The following GPR137C variants were observed in gnomAD, a reference collection of about 807,000 sequenced individuals.
GPR137C encodes integral membrane protein GPR137C.
GPR137C carries 27 observed loss-of-function variants against 43.4 expected under a neutral mutation model. The observed-to-expected ratio is 0.62, with a 90% CI of 0.46 to 0.86. GPR137C has a LOEUF of 0.86. Among genes scored for constraint, GPR137C ranks in the 40% least tolerant of loss-of-function variants. The pLI, the probability that GPR137C is intolerant of heterozygous loss-of-function variation, is 0.00. For synonymous variants in GPR137C, 285 were observed against 226.9 expected, an observed-to-expected ratio of 1.26 and a Z score of -2.30; for missense variants, 522 against 534.6, an observed-to-expected ratio of 0.98 and a Z score of 0.23.
intron 3 of GPR137C, among the ~76,000 whole-genome samples, chr14:52,614,254 G>C (rs1230953830): frequency 3.3e-5 from 5 of 151,270 alleles, no homozygotes; most frequent in South Asian, 2.1e-4. Flanking sequence ...CCTATTAGCT[G>C]GTACCGTAGG....
In GPR137C at chr14:52,632,199, G is replaced by T; in HGVS notation, c.757G>T (p.Val253Phe). Residue 253 changes from valine (V) to phenylalanine (F), a missense_variant, in exon 4 of 7, where the codon GTC (valine) becomes TTC (phenylalanine). Val to Phe is a conservative substitution (Grantham distance 50, BLOSUM62 -1). Around this residue, in one of 3 missense-constraint regions of GPR137C, gnomAD observed 437 missense variants for 425.7 expected, o/e 1.03. Coordinates refer to ENST00000321662, the MANE Select transcript of GPR137C (RefSeq NM_001099652.2). ...CCAGACTGTCGTCGTGGGCTCTGTA[G>T]TCATTCTTCTGTACTCTTCCAGAGC... is the stretch of plus-strand genomic sequence containing the variant. ...LCQTVVVGSV[V>F]ILLYSSRACY... 1 of 1,606,956 alleles carries T rather than the reference G, an allele frequency of 6.2e-7. No individual in the cohort carries two copies.
At chr14:52,574,484 G>A (rs945422183) in intron 1 of GPR137C, among the ~76,000 whole-genome samples, 36 of 152,116 alleles carry the variant, frequency 2.4e-4, no homozygotes, top group African/African-American at 7.7e-4. Flanking sequence ...ACCAAACACT[G>A]CACATTCTCA....
intron 1 of GPR137C, among the ~76,000 whole-genome samples, chr14:52,568,635 A>G (rs933846511): frequency 7.2e-5 from 11 of 152,212 alleles, no homozygotes; most frequent in Admixed American, 5.9e-4. Flanking sequence ...ATTACTGTGT[A>G]GAGTAGGCGA....
chr14:52,579,622 G>A (rs1460797161), intron 1 of GPR137C, among the ~76,000 whole-genome samples: 1 of 152,180 alleles, frequency 6.6e-6, no homozygotes, highest in Admixed American at 6.5e-5. Context: ...TAAACTCATG[G>A]TTACAGTTTA....
intron 1 of GPR137C, among the ~76,000 whole-genome samples, chr14:52,563,103 C>A (rs1566601906): frequency 6.6e-6 from 1 of 152,144 alleles, no homozygotes; most frequent in Non-Finnish European, 1.5e-5. Flanking sequence ...AGTCCTCATT[C>A]AAATTAACTT....
intron 1 of GPR137C, among the ~76,000 whole-genome samples, chr14:52,565,460 G>A (rs143959957): frequency 6.6e-6 from 1 of 152,142 alleles, no homozygotes; most frequent in Non-Finnish European, 1.5e-5. Context: ...CAAATGTGTA[G>A]AAAGTACCAT....
chr14:52,598,051 A>C (rs988367389), intron 1 of GPR137C, among the ~76,000 whole-genome samples: 1 of 152,216 alleles, frequency 6.6e-6, no homozygotes, highest in Admixed American at 6.5e-5. Context: ...CTTTAAAGAT[A>C]GAAATGTAGG....
intron 1 of GPR137C, among the ~76,000 whole-genome samples, chr14:52,571,625 G>A (rs576109695): frequency 2.4e-4 from 36 of 152,100 alleles, no homozygotes; most frequent in South Asian, 6.2e-4. Context: ...AGTGAGCCAA[G>A]ATTGCGCCAT....
At chr14:52,572,762 T>C (rs1029816170) in intron 1 of GPR137C, among the ~76,000 whole-genome samples, 1 of 152,018 alleles carries the variant, frequency 6.6e-6, no homozygotes, top group African/African-American at 2.4e-5. Context: ...TCAGCCAAGA[T>C]AGAAAAATAA....
chr14:52,609,748 G>A (rs111272800), intron 3 of GPR137C, among the ~76,000 whole-genome samples: 23 of 152,326 alleles, frequency 1.5e-4, no homozygotes, highest in African/African-American at 5.5e-4. Context: ...GGGTGGGAAT[G>A]CTGGCCAGGG....
At chr14:52,576,310 G>A (rs1036645803) in intron 1 of GPR137C, among the ~76,000 whole-genome samples, 3 of 152,106 alleles carry the variant, frequency 2.0e-5, no homozygotes, top group Admixed American at 2.0e-4. Flanking sequence ...TTTCATACTC[G>A]TTATAGCTGA....
At chr14:52,610,602 C>A (rs937415843) in intron 3 of GPR137C, among the ~76,000 whole-genome samples, 1 of 152,078 alleles carries the variant, frequency 6.6e-6, no homozygotes, top group African/African-American at 2.4e-5. Context: ...TAGTACATAT[C>A]GGGTTTGGTA....
At chr14:52,628,799 T>TA (rs970269383) in intron 3 of GPR137C, among the ~76,000 whole-genome samples, 12 of 151,814 alleles carry the variant, frequency 7.9e-5, no homozygotes, top group Non-Finnish European at 1.6e-4. Flanking sequence ...GTCTCAAAAA[T>TA]AAAAAAGAAG....
At chr14:52,604,425 T>C (rs2038960961) in intron 3 of GPR137C, among the ~76,000 whole-genome samples, 1 of 151,676 alleles carries the variant, frequency 6.6e-6, no homozygotes, top group South Asian at 2.1e-4. Context: ...TCCATTTTTG[T>C]AGATGGTGAG....
At chr14:52,594,210 C>A (rs2038821062) in intron 1 of GPR137C, among the ~76,000 whole-genome samples, 2 of 152,222 alleles carry the variant, frequency 1.3e-5, no homozygotes, top group South Asian at 2.1e-4. Flanking sequence ...CATTTGTGTT[C>A]TTTTACATTT....
rs534501873 is a variant in GPR137C, at chr14:52,637,205, A to T, written c.*2090A>T. ...ATTTGTCTCCTTATACACATCTAAC[A>T]TATCACCAAAGACAAATAAAGATAC... On this transcript the variant is annotated 3_prime_UTR_variant, in exon 7 of 7. Transcript: ENST00000321662. The T allele has an allele frequency of 6.6e-6, 1 of 152,178 alleles. No individual in the cohort carries two copies. Among genetic ancestry groups the T allele is most frequent in the Non-Finnish European group, 1.5e-5 (1 of 68,002 alleles). 9.4% of individuals were successfully genotyped at this position (152,178 alleles called of 1,614,324 possible).
rs552997667 is a variant in GPR137C at position 52,587,037 on chromosome 14, T to C, written c.445-11235T>C. 4.7e-4 allele frequency among the ~76,000 whole-genome samples: 72 copies of C among 152,302 alleles called. 1 individual carries two copies. Among genetic ancestry groups the C allele is most frequent in the African/African-American group, 1.5e-3 (62 of 41,574 alleles). Reference sequence around the variant, plus strand: ...TTCAGCATTTTATACAAAGCCTCCATGATTTGATGACTGCTTGCCTCCAGC... The same window carrying C: ...TTCAGCATTTTATACAAAGCCTCCACGATTTGATGACTGCTTGCCTCCAGC... On this transcript the variant is annotated intron_variant, in intron 1 of 6. Coordinates refer to ENST00000321662, the MANE Select transcript of GPR137C (RefSeq NM_001099652.2).
chr14:52,602,819 G>T (rs1026237076), intron 3 of GPR137C, among the ~76,000 whole-genome samples: 1 of 151,810 alleles, frequency 6.6e-6, no homozygotes, highest in Admixed American at 6.6e-5. Flanking sequence ...TAATTTTTTT[G>T]TATTTTTTAA....
chr14:52,586,805 T>C (rs2038719568), intron 1 of GPR137C, among the ~76,000 whole-genome samples: 1 of 152,218 alleles, frequency 6.6e-6, no homozygotes, highest in South Asian at 2.1e-4. Context: ...ATACATTTCG[T>C]GACCTGGCTT....
Sources: allele counts gnomAD v4.1 joint callset (sites outside exome capture counted in the v4.1 genomes callset), GRCh38; gene constraint gnomAD v4.1.1; regional missense constraint gnomAD v4.1.1; transcripts MANE v1.5; gene names NCBI Gene and HGNC (gene_info 2026-07-23, HGNC 2026-07-21).